The following MECOM variants were observed in gnomAD, a reference collection of about 807,000 sequenced individuals.
MECOM encodes the protein MDS1 and EVI1 complex locus.
Under a neutral mutation model 116.3 loss-of-function variants are expected in MECOM, and 13 were observed. The observed-to-expected ratio is 0.11, with a 90% CI of 0.07 to 0.18. The LOEUF (loss-of-function observed/expected upper bound fraction) is 0.18. MECOM is among the 10% of genes least tolerant of loss of function. The pLI is 1.00. For synonymous variants in MECOM, 528 were observed against 535.2 expected (o/e 0.99, Z 0.19); for missense variants, 1,299 against 1,509.0 (o/e 0.86, Z 2.31).
chr3:169,366,573 A>G (rs1296074968), intron 2 of MECOM, among the ~76,000 whole-genome samples: 2 of 152,036 alleles, frequency 1.3e-5, no homozygotes, highest in African/African-American at 4.8e-5. Flanking sequence ...ACAGGGATTC[A>G]GGCCAGTAGT....
At chr3:169,149,249 T>C (rs1316413942) in intron 2 of MECOM, among the ~76,000 whole-genome samples, 2 of 152,120 alleles carry the variant, frequency 1.3e-5, no homozygotes, top group African/African-American at 4.8e-5. Context: ...TCAGGGGGTC[T>C]GGGAGCTCAG....
chr3:169,236,037 C>T (rs1363094920), intron 2 of MECOM, among the ~76,000 whole-genome samples: 1 of 152,116 alleles, frequency 6.6e-6, no homozygotes, highest in African/African-American at 2.4e-5. Context: ...GCAGCACCAG[C>T]CAGCCACAGC....
rs920046189 is a variant in MECOM, at chr3:169,299,652, G to A, written c.375+81535C>T. Among the ~76,000 whole-genome samples the A allele has an allele frequency of 3.7e-4, 56 of 152,084 alleles. 2 individuals are homozygous for A. The highest frequency in any genetic ancestry group is 3.5e-3 in the Admixed American group (53 of 15,258). On this transcript the variant is annotated intron_variant, in intron 2 of 16. Transcript: ENST00000651503. The stretch of plus-strand genomic sequence containing the variant: ...TTTCTACTGAACTTCATGAATCACA[G>A]CCCCATTCCATATGCATAATTCCAT...
chr3:169,263,996 A>T (rs1285822884), intron 2 of MECOM, among the ~76,000 whole-genome samples: 6 of 152,126 alleles, frequency 3.9e-5, no homozygotes, highest in Non-Finnish European at 8.8e-5. Context: ...TAAGAAAAAC[A>T]ATGATGCTAA....
intron 2 of MECOM, among the ~76,000 whole-genome samples, chr3:169,225,504 C>T (rs947181749): frequency 1.3e-5 from 2 of 152,130 alleles, no homozygotes; most frequent in African/African-American, 4.8e-5. Flanking sequence ...CTCAAAACAC[C>T]CTACACCAAA....
chr3:169,115,492 T>G lies in MECOM; in HGVS notation c.2380A>C (p.Asn794His). The G allele has an allele frequency of 6.2e-7, 1 of 1,614,086 alleles. No homozygotes were observed. Among genetic ancestry groups the G allele is most frequent in the South Asian group, 1.1e-5 (1 of 91,076 alleles). The change falls in exon 8 of 17, where the codon AAC becomes CAC. Residue 794 changes from asparagine (N) to histidine (H), a missense_variant. By Grantham distance (68) the Asn-to-His change is moderately conservative. Transcript: ENST00000651503. ...SGTKLTEPRK[N>H]HVFGGKKGSN... ...CCTTTTTTTCCCCCAAACACGTGGTTTTTTCGAGGCTCAGTCAGCTTTGTC... is the reference window on the plus strand; with the variant it reads ...CCTTTTTTTCCCCCAAACACGTGGTGTTTTCGAGGCTCAGTCAGCTTTGTC...
Position 169,606,183 on chromosome 3 carries a change from G to A in MECOM, c.37+57153C>T, listed in dbSNP as rs144071184. 4.6e-3 allele frequency among the ~76,000 whole-genome samples: 707 copies of A among 152,202 alleles called. 3 individuals are homozygous for A. The highest frequency in any genetic ancestry group is 0.016 in the African/African-American group (673 of 41,522). On this transcript the variant is annotated intron_variant, in intron 1 of 16. Coordinates refer to ENST00000651503, the MANE Select transcript of MECOM (RefSeq NM_004991.4). ...TCCCAACACTTTGGGAGGCTGAGGC[G>A]GGTGTATCATCTGAGATCAGGAGTT...
intron 1 of MECOM, among the ~76,000 whole-genome samples, chr3:169,653,132 T>C (rs570722482): frequency 1.3e-5 from 2 of 152,322 alleles, no homozygotes; most frequent in South Asian, 2.1e-4. Context: ...AATAGGTCAA[T>C]TGTGGATTTA....
intron 2 of MECOM, among the ~76,000 whole-genome samples, chr3:169,234,472 G>A (rs1394646922): frequency 6.6e-6 from 1 of 151,646 alleles, no homozygotes; most frequent in African/African-American, 2.4e-5. Context: ...TTAAAAAAAG[G>A]GAAGAAAAGG....
intron 14 of MECOM, among the ~76,000 whole-genome samples, chr3:169,091,997 G>A (rs957139736): frequency 1.4e-4 from 22 of 151,932 alleles, no homozygotes; most frequent in South Asian, 4.1e-4. Context: ...CTATATAGTC[G>A]TGTTCAGAAA....
chr3:169,201,933 C>A (rs1239330385), intron 2 of MECOM, among the ~76,000 whole-genome samples: 1 of 152,056 alleles, frequency 6.6e-6, no homozygotes, highest in Non-Finnish European at 1.5e-5. Context: ...CACAGCCTGG[C>A]CTTTGTGTAT....
At chr3:169,111,125 A>G (rs1727243748) in intron 9 of MECOM, among the ~76,000 whole-genome samples, 1 of 152,188 alleles carries the variant, frequency 6.6e-6, no homozygotes, top group South Asian at 2.1e-4. Flanking sequence ...TGAATTTCAA[A>G]GTGGATAGAA....
chr3:169,414,720 G>A (rs999294818), intron 1 of MECOM, among the ~76,000 whole-genome samples: 3 of 152,130 alleles, frequency 2.0e-5, no homozygotes, highest in Non-Finnish European at 2.9e-5. Flanking sequence ...AACACAGCAC[G>A]AGAACTTCGT....
At chr3:169,441,753 G>GAC (rs1402377156) in intron 1 of MECOM, among the ~76,000 whole-genome samples, 2,594 of 107,972 alleles carry the variant, frequency 0.024, 393 homozygotes, top group East Asian at 0.042. Context: ...TTAAAAAAGG[G>GAC]GGGGTCTTGC....
chr3:169,222,994 A>C (rs552145271), intron 2 of MECOM, among the ~76,000 whole-genome samples: 1 of 152,314 alleles, frequency 6.6e-6, no homozygotes, highest in African/African-American at 2.4e-5. Flanking sequence ...GGGATCACAG[A>C]AGAACCATTC....
chr3:169,280,097 C>G (rs1182138746), intron 2 of MECOM, among the ~76,000 whole-genome samples: 1 of 152,184 alleles, frequency 6.6e-6, no homozygotes, highest in Non-Finnish European at 1.5e-5. Flanking sequence ...TGTTACTCTT[C>G]TGAATGAAAT....
chr3:169,215,452 T>C (rs560779312), intron 2 of MECOM, among the ~76,000 whole-genome samples: 8 of 152,306 alleles, frequency 5.3e-5, no homozygotes, highest in African/African-American at 1.9e-4. Context: ...TGCCATATCC[T>C]ATGTCCTTAC....
intron 2 of MECOM, among the ~76,000 whole-genome samples, chr3:169,220,595 C>A (rs1041136435): frequency 6.6e-6 from 1 of 152,080 alleles, no homozygotes; most frequent in Admixed American, 6.6e-5. Context: ...CTGCCCCAGC[C>A]CCCCAAGTAG....
At chr3:169,386,674 T>C (rs1003030770) in intron 1 of MECOM, among the ~76,000 whole-genome samples, 1 of 152,156 alleles carries the variant, frequency 6.6e-6, no homozygotes, top group Non-Finnish European at 1.5e-5. Context: ...TTTTCTGATA[T>C]CATAAATATC....
Sources: gnomAD v4.1 joint callset for allele counts (sites outside exome capture counted in the v4.1 genomes callset) on GRCh38, gnomAD v4.1.1 for gene constraint, MANE v1.5 for transcripts, NCBI Gene and HGNC (gene_info 2026-07-23, HGNC 2026-07-21) for gene names.